WFDC1: variants seen among roughly 807,000 people sequenced by gnomAD.
WFDC1 encodes the protein WAP four-disulfide core domain protein 1.
In WFDC1, 39 loss-of-function variants were observed where a neutral mutation model predicts 32.9. The observed-to-expected ratio is 1.19, with a 90% CI of 0.92 to 1.55. WFDC1 has a LOEUF of 1.55. Ranked by LOEUF, WFDC1 falls within the 40% of genes most tolerant of loss-of-function variation. WFDC1 has a pLI of 0.00. For missense variants in WFDC1, 386 were observed against 309.5 expected, an observed-to-expected ratio of 1.25 and a Z score of -1.85; for synonymous variants, 184 against 137.4, an observed-to-expected ratio of 1.34 and a Z score of -2.37.
At chr16:84,301,179 C>T (rs1329025350) in intron 1 of WFDC1, among the ~76,000 whole-genome samples, 1 of 152,150 alleles carries the variant, frequency 6.6e-6, no homozygotes, top group Non-Finnish European at 1.5e-5. Flanking sequence ...ACAAAGGAAC[C>T]AACCCTGCCA....
At chr16:84,309,698 C>G (rs1464324161) in intron 1 of WFDC1, among the ~76,000 whole-genome samples, 1 of 152,024 alleles carries the variant, frequency 6.6e-6, no homozygotes, top group Non-Finnish European at 1.5e-5. Context: ...AGAGCCGCGC[C>G]CCCCCAACTC....
chr16:84,303,456 A>G (rs1907066426), intron 1 of WFDC1, among the ~76,000 whole-genome samples: 1 of 150,602 alleles, frequency 6.6e-6, no homozygotes, highest in Admixed American at 6.6e-5. Context: ...TCTACTGATT[A>G]TTAAAAGAAT....
chr16:84,296,673 T>G lies in WFDC1; in HGVS notation c.144+1558T>G, dbSNP rs1906616667. On this transcript the variant is annotated intron_variant, in intron 1 of 6. Coordinates refer to ENST00000219454, the MANE Select transcript of WFDC1 (RefSeq NM_021197.4). ...CGGGAGACAGGAGGACTTCGAGAAG[T>G]GGAAAGAGTAGTAGAGTGACATGAT... Among the ~76,000 whole-genome samples, 3 of 151,738 alleles carry G rather than the reference T, an allele frequency of 2.0e-5. No homozygotes were observed. The South Asian group carries it at 6.3e-4, about 32-fold the overall frequency.
At chr16:84,309,494 T>A (rs1263761959) in intron 1 of WFDC1, among the ~76,000 whole-genome samples, 1 of 152,006 alleles carries the variant, frequency 6.6e-6, no homozygotes, top group Non-Finnish European at 1.5e-5. Flanking sequence ...TGATGGGGAC[T>A]TGGGCCTGGG....
chr16:84,314,164 G>T (rs191158101), intron 2 of WFDC1, among the ~76,000 whole-genome samples: 2 of 152,348 alleles, frequency 1.3e-5, no homozygotes, highest in African/African-American at 4.8e-5. Context: ...GTTGAATCAC[G>T]ATGCCAACCT....
chr16:84,313,192 G>T, intron 2 of WFDC1, 39 bp downstream of exon 2: 1 of 1,390,768 alleles, frequency 7.2e-7, no homozygotes, highest in South Asian at 1.6e-5. Flanking sequence ...GAGGGAGGAG[G>T]ACAGGTGAAC....
intron 1 of WFDC1, among the ~76,000 whole-genome samples, chr16:84,308,932 G>C (rs563845471): frequency 2.6e-5 from 4 of 152,004 alleles, no homozygotes; most frequent in African/African-American, 9.7e-5. Context: ...TGCCATCCTG[G>C]GTGTAGACAC....
At chr16:84,305,917 T>C (rs1907222006) in intron 1 of WFDC1, among the ~76,000 whole-genome samples, 1 of 151,934 alleles carries the variant, frequency 6.6e-6, no homozygotes, top group African/African-American at 2.4e-5. Context: ...GCATGAGAAC[T>C]GGTTGAGTCT....
chr16:84,301,101 C>T (rs1344161847), intron 1 of WFDC1, among the ~76,000 whole-genome samples: 1 of 152,144 alleles, frequency 6.6e-6, no homozygotes, highest in African/African-American at 2.4e-5. Flanking sequence ...GACCAGAGAA[C>T]ATGAGGGACT....
chr16:84,310,663 G>GAT (rs988033167), intron 1 of WFDC1, among the ~76,000 whole-genome samples: 21 of 151,984 alleles, frequency 1.4e-4, no homozygotes, highest in Admixed American at 3.9e-4. Context: ...TATGCAAATA[G>GAT]ATATATATAT....
chr16:84,308,646 T>C (rs1597672343), intron 1 of WFDC1, among the ~76,000 whole-genome samples: 1 of 152,046 alleles, frequency 6.6e-6, no homozygotes, highest in Non-Finnish European at 1.5e-5. Context: ...CCCGCCTGGG[T>C]GTACACTCCA....
chr16:84,323,328 T>C (rs554352394), intron 4 of WFDC1, among the ~76,000 whole-genome samples: 5 of 152,212 alleles, frequency 3.3e-5, no homozygotes, highest in Non-Finnish European at 7.3e-5. Flanking sequence ...ATTAACCTTA[T>C]AGCAGAAAAG....
chr16:84,326,018 C>G (rs575505315), intron 5 of WFDC1: 1 of 139,646 alleles, frequency 7.2e-6, no homozygotes, highest in Non-Finnish European at 1.5e-5. Flanking sequence ...ACCCATATAT[C>G]CATCTATCTA....
intron 1 of WFDC1, among the ~76,000 whole-genome samples, chr16:84,301,758 A>G (rs1465838225): frequency 1.5e-4 from 23 of 152,170 alleles, no homozygotes; most frequent in Non-Finnish European, 1.5e-5. Context: ...GAAGGAATGA[A>G]AAGTCCATGA....
rs1597701433 is a variant in WFDC1, at chr16:84,329,573, C to G, written c.*267C>G. ...CCTGCAGCTCCACGAGACCTTTACC[C>G]CGGGAAGAAGCCGCCACCCATGAAA... On this transcript the variant is annotated 3_prime_UTR_variant, in exon 7 of 7. Coordinates refer to ENST00000219454, the MANE Select transcript of WFDC1 (RefSeq NM_021197.4). 1 of 152,230 alleles carries G rather than the reference C, an allele frequency of 6.6e-6. No individual in the cohort carries two copies. 9.4% of individuals were successfully genotyped at this position (152,230 alleles called of 1,614,324 possible).
At chr16:84,309,676 C>G (rs1490335046) in intron 1 of WFDC1, among the ~76,000 whole-genome samples, 1 of 151,948 alleles carries the variant, frequency 6.6e-6, no homozygotes, top group Non-Finnish European at 1.5e-5. Flanking sequence ...GGACTGAGAT[C>G]AAGGGGTCAG....
chr16:84,295,096 G>A lies in WFDC1; in HGVS notation c.125G>A (p.Arg42Lys). 1 of 1,614,106 alleles carries A rather than the reference G, an allele frequency of 6.2e-7. No individual in the cohort carries two copies. The highest frequency in any genetic ancestry group is 8.5e-7 in the Non-Finnish European group (1 of 1,179,972). Residue 42 changes from arginine (R) to lysine (K), a missense_variant, in exon 1 of 7, where the codon AGG becomes AAG. Coordinates refer to ENST00000219454, the MANE Select transcript of WFDC1 (RefSeq NM_021197.4). ...KNIWKRALPA[R>K]LAEKSRAEEA... The stretch of plus-strand genomic sequence containing the variant: ...ATCTGGAAACGGGCATTGCCTGCGA[G>A]GCTGGCCGAGAAATCCCGTGTAAGT...
At chr16:84,308,743 G>A (rs72487988) in intron 1 of WFDC1, among the ~76,000 whole-genome samples, 13,486 of 151,856 alleles carry the variant, frequency 0.089, 699 homozygotes, top group East Asian at 0.18. Context: ...GGGTGTAGAC[G>A]CCATCCTGAG....
chr16:84,319,611 C>A, intron 4 of WFDC1, 40 bp downstream of exon 4: 1 of 1,602,124 alleles, frequency 6.2e-7, no homozygotes, highest in Admixed American at 1.7e-5. Context: ...GCTCCTGCCC[C>A]AGTCCCCTTC....
Sources: allele counts gnomAD v4.1 joint callset (sites outside exome capture counted in the v4.1 genomes callset), GRCh38; gene constraint gnomAD v4.1.1; transcripts MANE v1.5; gene names NCBI Gene and HGNC (gene_info 2026-07-23, HGNC 2026-07-21).